CREB3L2: variants seen among roughly 807,000 people sequenced by gnomAD.
CREB3L2 encodes the protein cAMP responsive element binding protein 3 like 2, also known as cyclic AMP-responsive element-binding protein 3-like protein 2.
CREB3L2 carries 23 observed loss-of-function variants against 57.2 expected under a neutral mutation model. The ratio of observed to expected loss-of-function variants is 0.40; its 90% confidence interval spans 0.29 to 0.57. The LOEUF is 0.57. CREB3L2 is among the 20% of genes least tolerant of loss of function. The pLI is 0.42. For synonymous variants in CREB3L2, 268 were observed against 265.1 expected, an observed-to-expected ratio of 1.01 and a Z score of -0.11; for missense variants, 628 against 634.7, an observed-to-expected ratio of 0.99 and a Z score of 0.11.
At position 137,878,924 on chromosome 7, in the gene CREB3L2, G is replaced by T. The variant is rs1361834780; in HGVS notation, c.*1552C>A. On this transcript the variant is annotated 3_prime_UTR_variant, in exon 12 of 12. Coordinates refer to ENST00000330387, the MANE Select transcript of CREB3L2 (RefSeq NM_194071.4). ...GATGACGTGTGTGGGGGTGGGTGGT[G>T]GGGGGAGAGAGAGAAGGAGAGACAG... 2 of 399,148 alleles carry T rather than the reference G, an allele frequency of 5.0e-6. No homozygotes were observed. Among genetic ancestry groups the T allele is most frequent in the South Asian group, 2.5e-5 (1 of 40,218 alleles). The allele number at this position is 399,148 out of a possible 1,614,324, so 24.7% of individuals were successfully genotyped here. A position where few individuals can be genotyped will look rare whatever the true frequency, so the allele number is the denominator to read the frequency against.
rs533122771 is a variant in CREB3L2, at chr7:137,968,129, G to A, written c.102+33475C>T. Among the ~76,000 whole-genome samples, 6 of 150,934 alleles carry A rather than the reference G, an allele frequency of 4.0e-5. No homozygotes were observed. In the East Asian group the frequency reaches 7.8e-4, roughly 20 times the overall value. On this transcript the variant is annotated intron_variant, in intron 1 of 11. Transcript: ENST00000330387. ...TTTCTTTCCAATACAACACAGCGTC[G>A]TTTCTACCCCATTTTGGCACACCCC...
chr7:137,882,351 G>T, intron 11 of CREB3L2, 61 bp downstream of exon 11: 1 of 1,272,682 alleles, frequency 7.9e-7, no homozygotes, highest in Non-Finnish European at 1.1e-6. Flanking sequence ...ATCTCAGGTT[G>T]CTGACTCATA....
chr7:137,916,420 TGAAA>T (rs897128391), intron 2 of CREB3L2, among the ~76,000 whole-genome samples: 5 of 152,148 alleles, frequency 3.3e-5, no homozygotes, highest in Admixed American at 2.0e-4. Context: ...TTTAAAAACA[TGAAA>T]GAAAGAAGCA....
At chr7:137,910,500 C>A (rs1799982826) in intron 4 of CREB3L2, among the ~76,000 whole-genome samples, 2 of 151,962 alleles carry the variant, frequency 1.3e-5, no homozygotes, top group Admixed American at 1.3e-4. Flanking sequence ...AGTGAGGAGT[C>A]CTAAGCGTGT....
In CREB3L2 at chr7:137,875,568, C is replaced by T. The variant is rs1436444725; in HGVS notation, c.*4908G>A. ...GAGATGGACACCTGGGGGACTGCTC[C>T]AGCACGAAGGGAAGCGATGAGCATC... On this transcript the variant is annotated 3_prime_UTR_variant, in exon 12 of 12. Coordinates refer to ENST00000330387, the MANE Select transcript of CREB3L2 (RefSeq NM_194071.4). The T allele has an allele frequency of 6.2e-5, 14 of 224,204 alleles. 1 individual carries two copies. The Admixed American group carries it at 8.0e-4, about 13-fold the overall frequency. 13.9% of individuals were successfully genotyped at this position (224,204 alleles called of 1,614,324 possible).
At chr7:137,952,728 T>C (rs1019222394) in intron 1 of CREB3L2, among the ~76,000 whole-genome samples, 1 of 152,228 alleles carries the variant, frequency 6.6e-6, no homozygotes, top group Non-Finnish European at 1.5e-5. Context: ...CTGATTCCTC[T>C]TTCTCCTTTG....
rs965596624 is a variant in CREB3L2 at position 137,882,446 on chromosome 7, C to A, written c.1453G>T (p.Glu485Ter). 1.2e-6 allele frequency: 2 copies of A among 1,613,992 alleles called. No homozygotes were observed. Among genetic ancestry groups the A allele is most frequent in the Non-Finnish European group, 1.7e-6 (2 of 1,179,904 alleles). The change falls in exon 11 of 12, where the codon GAG becomes TAG. Residue 485 changes from glutamate (E) to a stop codon, truncating the protein, a stop_gained. Transcript: ENST00000330387. LOFTEE classifies it high-confidence loss of function. ...HFIISNETSL[E>*]KSVLLELQQH... ...TGCAGCTCCAAAAGCACTGACTTCT[C>A]CAGGCTGGTCTCATTCGAGATAATG...
chr7:137,909,999 G>A (rs1395770022), intron 4 of CREB3L2, among the ~76,000 whole-genome samples: 1 of 152,096 alleles, frequency 6.6e-6, no homozygotes, highest in Non-Finnish European at 1.5e-5. Context: ...CACCATGATT[G>A]TGAGTCCTCC....
At chr7:137,978,241 ACT>A (rs1563271927) in intron 1 of CREB3L2, among the ~76,000 whole-genome samples, 2 of 152,164 alleles carry the variant, frequency 1.3e-5, no homozygotes, top group Non-Finnish European at 2.9e-5. Context: ...TACAGAGATA[ACT>A]CTCTATATAT....
intron 8 of CREB3L2, among the ~76,000 whole-genome samples, chr7:137,900,811 A>G (rs1173507752): frequency 4.6e-5 from 7 of 152,100 alleles, no homozygotes; most frequent in Non-Finnish European, 1.0e-4. Context: ...CTCAAAAAAA[A>G]GAAAAAAAAA....
At chr7:137,917,960 G>T (rs1193525910) in intron 2 of CREB3L2, among the ~76,000 whole-genome samples, 1 of 152,158 alleles carries the variant, frequency 6.6e-6, no homozygotes, top group East Asian at 1.9e-4. Flanking sequence ...ATGGCGGCCA[G>T]AGGAGGGAGA....
rs540470657 is a variant in CREB3L2 at position 137,907,966 on chromosome 7, A to G, written c.768+286T>C. Among the ~76,000 whole-genome samples, 18 of 152,376 alleles carry G rather than the reference A, an allele frequency of 1.2e-4. 1 individual carries two copies. The highest frequency in any genetic ancestry group is 5.9e-4 in the Admixed American group (9 of 15,300). On this transcript the variant is annotated intron_variant, in intron 5 of 11. Coordinates refer to ENST00000330387, the MANE Select transcript of CREB3L2 (RefSeq NM_194071.4). The stretch of plus-strand genomic sequence containing the variant: ...TAGAACTTTGAGGAGAAAAACCCCA[A>G]ATTTTTATTCCTCATGTCTATAGCT...
At chr7:137,950,623 G>C (rs1801077291) in intron 1 of CREB3L2, among the ~76,000 whole-genome samples, 3 of 152,182 alleles carry the variant, frequency 2.0e-5, no homozygotes, top group Admixed American at 2.0e-4. Flanking sequence ...CAGAGTAGCA[G>C]TGTCTGTGTA....
At chr7:137,970,922 C>T (rs1801494767) in intron 1 of CREB3L2, among the ~76,000 whole-genome samples, 1 of 152,170 alleles carries the variant, frequency 6.6e-6, no homozygotes, top group African/African-American at 2.4e-5. Flanking sequence ...CAGTGTGCAC[C>T]TACCTACACT....
Position 138,001,161 on chromosome 7 carries a change from G to T in CREB3L2, c.102+443C>A, listed in dbSNP as rs1802067691. Among the ~76,000 whole-genome samples the T allele has an allele frequency of 1.4e-5, 2 of 147,992 alleles. No individual in the cohort carries two copies. Among genetic ancestry groups the T allele is most frequent in the African/African-American group, 5.0e-5 (2 of 40,136 alleles). On this transcript the variant is annotated intron_variant, in intron 1 of 11. Transcript: ENST00000330387. The surrounding 1 kb of genome is among the most constrained non-coding windows in gnomAD (Gnocchi z 4.2). ...TTAAAATATAAATATGAAAGAAGAG[G>T]AAGGGAGGGAGAGAGGGAGAGAGAA...
intron 8 of CREB3L2, among the ~76,000 whole-genome samples, chr7:137,898,261 A>C (rs1253734716): frequency 6.6e-6 from 1 of 152,214 alleles, no homozygotes; most frequent in African/African-American, 2.4e-5. Context: ...AAGGCGCGAA[A>C]AGTGTTGGCA....
intron 4 of CREB3L2, 108 bp downstream of exon 4, chr7:137,912,883 T>TACA: frequency 1.9e-6 from 3 of 1,555,488 alleles, no homozygotes; most frequent in Non-Finnish European, 2.6e-6. Context: ...TAAAGCCAGC[T>TACA]ACAACATCTG....
At chr7:137,969,807 G>A (rs1027046173) in intron 1 of CREB3L2, among the ~76,000 whole-genome samples, 8 of 67,616 alleles carry the variant, frequency 1.2e-4, no homozygotes, top group South Asian at 4.4e-4. Flanking sequence ...ATACACATAC[G>A]CAGAAAGACA....
chr7:138,000,565 A>C (rs1048873662), intron 1 of CREB3L2, among the ~76,000 whole-genome samples: 2 of 152,156 alleles, frequency 1.3e-5, no homozygotes, highest in African/African-American at 4.8e-5. Flanking sequence ...AAGGCCAAAG[A>C]GGTGGAGCCT....
Sources: gnomAD v4.1 joint callset for allele counts (sites outside exome capture counted in the v4.1 genomes callset) on GRCh38, gnomAD v4.1.1 for gene constraint, Gnocchi (gnomAD v3.1) non-coding constraint, MANE v1.5 for transcripts, NCBI Gene and HGNC (gene_info 2026-07-23, HGNC 2026-07-21) for gene names.